The following IGSF21 variants were observed in gnomAD, a reference collection of about 807,000 sequenced individuals.
IGSF21 encodes the protein immunoglobin superfamily member 21, also known as immunoglobulin superfamily member 21.
In IGSF21, 28 loss-of-function variants were observed where a neutral mutation model predicts 46.8. The ratio of observed to expected loss-of-function variants is 0.60; its 90% CI spans 0.44 to 0.82. IGSF21 has a LOEUF of 0.82. Among genes scored for constraint, IGSF21 ranks in the 40% least tolerant of loss-of-function variants. The probability of loss-of-function intolerance (pLI) is 0.00; values close to 1 mark genes in which losing one functional copy is unlikely to be tolerated. For synonymous variants in IGSF21, 284 were observed against 273.6 expected (o/e 1.04, Z -0.38); for missense variants, 624 against 665.5 (o/e 0.94, Z 0.69).
At chr1:18,204,288 A>G (rs930210603) in intron 1 of IGSF21, among the ~76,000 whole-genome samples, 1 of 152,236 alleles carries the variant, frequency 6.6e-6, no homozygotes, top group Non-Finnish European at 1.5e-5. Context: ...GTTAAATGGC[A>G]GAGCTGGGAT....
chr1:18,168,865 A>G (rs2086706613), intron 1 of IGSF21, among the ~76,000 whole-genome samples: 1 of 152,152 alleles, frequency 6.6e-6, no homozygotes, highest in South Asian at 2.1e-4. Flanking sequence ...CCTTGCATAT[A>G]TGTCATTTGC....
chr1:18,115,866 AAAG>A (rs2086184376), intron 1 of IGSF21: 1 of 116,538 alleles, frequency 8.6e-6, no homozygotes, highest in African/African-American at 3.2e-5. Context: ...AGAAAGAAAG[AAAG>A]AAAGAAAGAA....
At position 18,118,447 on chromosome 1, in the gene IGSF21, G is replaced by A. The variant is rs146750247; in HGVS notation, c.70+10249G>A. On this transcript the variant is annotated intron_variant, in intron 1 of 9. Transcript: ENST00000251296. ...CATCTTGAGCTGGTGCTCACCGCCC[G>A]AGTGCTCTGGTTTTGTCGAGTGGGT... Among the ~76,000 whole-genome samples the A allele has an allele frequency of 3.6e-3, 544 of 152,332 alleles. 5 individuals carry two copies. Among genetic ancestry groups the A allele is most frequent in the African/African-American group, 0.012 (510 of 41,584 alleles).
At chr1:18,188,511 G>A (rs2086925484) in intron 1 of IGSF21, among the ~76,000 whole-genome samples, 1 of 152,172 alleles carries the variant, frequency 6.6e-6, no homozygotes, top group Non-Finnish European at 1.5e-5. Flanking sequence ...TGGAGAGGAA[G>A]AGAAAGCAGA....
chr1:18,161,571 C>T (rs140999100), intron 1 of IGSF21, among the ~76,000 whole-genome samples: 1 of 152,272 alleles, frequency 6.6e-6, no homozygotes, highest in East Asian at 1.9e-4. Flanking sequence ...TCCAAGTATC[C>T]CACCGGTGAC....
At chr1:18,260,013 C>G (rs552666605) in intron 2 of IGSF21, among the ~76,000 whole-genome samples, 1 of 152,358 alleles carries the variant, frequency 6.6e-6, no homozygotes, top group South Asian at 2.1e-4. Flanking sequence ...TCAGCTTTCT[C>G]TCTTCTTGAA....
At chr1:18,117,880 G>GCTC (rs2086200828) in intron 1 of IGSF21, among the ~76,000 whole-genome samples, 2 of 152,208 alleles carry the variant, frequency 1.3e-5, no homozygotes, top group South Asian at 4.1e-4. Flanking sequence ...AGCCCAGAGA[G>GCTC]AGGAATGAGT....
intron 1 of IGSF21, among the ~76,000 whole-genome samples, chr1:18,162,345 C>G (rs897155581): frequency 1.3e-5 from 2 of 152,190 alleles, no homozygotes; most frequent in Non-Finnish European, 2.9e-5. Flanking sequence ...CCGCACCTGG[C>G]CCAATTTGCC....
chr1:18,343,934 C>T (rs1037224666), intron 4 of IGSF21, among the ~76,000 whole-genome samples: 1 of 152,120 alleles, frequency 6.6e-6, no homozygotes, highest in African/African-American at 2.4e-5. Flanking sequence ...TCGACCTTTC[C>T]CCTTAAAAGA....
At chr1:18,143,978 G>T (rs2086441739) in intron 1 of IGSF21, among the ~76,000 whole-genome samples, 1 of 152,120 alleles carries the variant, frequency 6.6e-6, no homozygotes, top group Non-Finnish European at 1.5e-5. Context: ...CTGGGGCTGT[G>T]TCTCCCCTAT....
intron 2 of IGSF21, among the ~76,000 whole-genome samples, chr1:18,270,305 C>G (rs2085030306): frequency 6.6e-6 from 1 of 152,218 alleles, no homozygotes; most frequent in Admixed American, 6.5e-5. Flanking sequence ...TCTTCCCACT[C>G]TCTTGGCTCC....
intron 2 of IGSF21, among the ~76,000 whole-genome samples, chr1:18,269,235 CTT>C (rs2085020034): frequency 6.6e-6 from 1 of 152,124 alleles, no homozygotes; most frequent in Admixed American, 6.6e-5. Flanking sequence ...GCCGATGAGA[CTT>C]GGGGTGATCC....
intron 1 of IGSF21, among the ~76,000 whole-genome samples, chr1:18,127,873 C>A: frequency 6.6e-6 from 1 of 152,232 alleles, no homozygotes; most frequent in South Asian, 2.1e-4. Flanking sequence ...TATGCCACTG[C>A]ACTCCAGCCT....
chr1:18,116,363 G>A (rs1446577714), intron 1 of IGSF21, among the ~76,000 whole-genome samples: 2 of 152,166 alleles, frequency 1.3e-5, no homozygotes, highest in African/African-American at 4.8e-5. Context: ...CATCTGCAAT[G>A]GGCTCCTGTT....
At chr1:18,269,557 C>T (rs2085023278) in intron 2 of IGSF21, among the ~76,000 whole-genome samples, 1 of 152,176 alleles carries the variant, frequency 6.6e-6, no homozygotes, top group Non-Finnish European at 1.5e-5. Flanking sequence ...GTCTGCACCT[C>T]CTGCTGCAGA....
chr1:18,270,529 C>T (rs1384560276), intron 2 of IGSF21, among the ~76,000 whole-genome samples: 3 of 152,186 alleles, frequency 2.0e-5, no homozygotes, highest in Non-Finnish European at 2.9e-5. Flanking sequence ...AAGCTGGCAC[C>T]TGGGTGGGAG....
At chr1:18,170,883 T>C (rs2086729963) in intron 1 of IGSF21, among the ~76,000 whole-genome samples, 1 of 152,098 alleles carries the variant, frequency 6.6e-6, no homozygotes, top group South Asian at 2.1e-4. Flanking sequence ...TCAGGGTAGG[T>C]TGCACCTTCA....
chr1:18,342,451 G>T (rs184729181), intron 4 of IGSF21, among the ~76,000 whole-genome samples: 1 of 152,068 alleles, frequency 6.6e-6, no homozygotes. Context: ...CATGCAATCC[G>T]CTCATGTAAA....
At chr1:18,126,595 C>A (rs1168999917) in intron 1 of IGSF21, among the ~76,000 whole-genome samples, 1 of 152,122 alleles carries the variant, frequency 6.6e-6, no homozygotes, top group East Asian at 1.9e-4. Flanking sequence ...CGGCAGTGCC[C>A]CCCTACTTGT....
Sources: allele counts gnomAD v4.1 joint callset (sites outside exome capture counted in the v4.1 genomes callset), GRCh38; gene constraint gnomAD v4.1.1; transcripts MANE v1.5; gene names NCBI Gene and HGNC (gene_info 2026-07-23, HGNC 2026-07-21).